VPS13C: variants seen among roughly 807,000 people sequenced by gnomAD.
VPS13C encodes vacuolar protein sorting 13 homolog C.
Under a neutral mutation model 456.8 loss-of-function variants are expected in VPS13C, and 358 were observed. That is an observed-to-expected ratio of 0.78 (90% CI 0.72 to 0.86). The LOEUF (loss-of-function observed/expected upper bound fraction) is 0.86, where lower values mean the gene tolerates loss of function less well. VPS13C is among the 40% of genes least tolerant of loss of function. VPS13C has a pLI of 0.00. For synonymous variants in VPS13C, 1,578 were observed against 1,486.7 expected (o/e 1.06, Z -1.41); for missense variants, 4,818 against 4,385.4 (o/e 1.10, Z -2.79).
chr15:61,917,287 A>C, intron 60 of VPS13C, 54 bp downstream of exon 60: 6 of 1,552,434 alleles, frequency 3.9e-6, no homozygotes, highest in Non-Finnish European at 5.2e-6. Context: ...ATAAAACAAA[A>C]TCAGAATTTA....
At chr15:61,924,604 T>G (rs1337392352) in intron 53 of VPS13C, among the ~76,000 whole-genome samples, 1 of 152,142 alleles carries the variant, frequency 6.6e-6, no homozygotes, top group Non-Finnish European at 1.5e-5. Context: ...TTCGAGGAGT[T>G]TTTCCCTCAT....
At position 61,963,913 on chromosome 15, in the gene VPS13C, T is replaced by G; in HGVS notation, c.3253A>C (p.Arg1085=). ...SSRDSDIIDF[R]LFAKLNAFCV... ...AAAGCATTCAACTTGGCAAATAGCC[T>G]GAAATCAATAATGTCACTATCTCTG... Residue 1085 remains arginine (R), a synonymous_variant, in exon 32 of 85, where the codon AGG becomes CGG. Coordinates refer to ENST00000644861, the MANE Select transcript of VPS13C (RefSeq NM_020821.3). The G allele has an allele frequency of 6.2e-7, 1 of 1,611,822 alleles. No individual in the cohort carries two copies. Among genetic ancestry groups the G allele is most frequent in the Non-Finnish European group, 8.5e-7 (1 of 1,178,436 alleles).
Position 62,008,703 on chromosome 15 carries a change from T to C in VPS13C, c.1070A>G (p.Tyr357Cys), listed in dbSNP as rs766167434. Residue 357 changes from tyrosine to cysteine, a missense_variant, in exon 14 of 85, where the codon TAT (tyrosine) becomes TGT (cysteine). Physicochemically the swap from Tyr to Cys is radical, Grantham distance 194. Around this residue, in one of 3 missense-constraint regions of VPS13C, gnomAD observed 4,552 missense variants for 4,130.6 expected, o/e 1.10. Transcript: ENST00000644861. ...TGGTAAATAAGGCTTGTATTTCCTATAAGGCGCATTCCTAACCATATAATC... is the reference window on the plus strand; with the variant it reads ...TGGTAAATAAGGCTTGTATTTCCTACAAGGCGCATTCCTAACCATATAATC... ...SVDYMVRNAP[Y>C]RKYKPYLPLH... 1.9e-6 allele frequency: 3 copies of C among 1,609,094 alleles called. No individual in the cohort carries two copies. The highest frequency in any genetic ancestry group is 3.4e-5 in the Admixed American group (2 of 59,678).
chr15:61,982,254 T>G (rs1056470099), intron 21 of VPS13C, among the ~76,000 whole-genome samples: 1 of 152,230 alleles, frequency 6.6e-6, no homozygotes, highest in Non-Finnish European at 1.5e-5. Context: ...GGAAGAATCA[T>G]CTGTGCCCCA....
chr15:61,901,576 C>T (rs2042997448), intron 66 of VPS13C, among the ~76,000 whole-genome samples: 2 of 152,154 alleles, frequency 1.3e-5, no homozygotes. Context: ...CATCTCACAC[C>T]AGTTAGAATG....
At chr15:62,048,581 T>C (rs551662169) in intron 1 of VPS13C, among the ~76,000 whole-genome samples, 2 of 152,302 alleles carry the variant, frequency 1.3e-5, no homozygotes, top group South Asian at 2.1e-4. Flanking sequence ...CATGTGTCTT[T>C]ATAGCAGCAT....
chr15:61,975,997 T>C (rs1348926970), intron 24 of VPS13C, among the ~76,000 whole-genome samples: 2 of 152,142 alleles, frequency 1.3e-5, no homozygotes, highest in Non-Finnish European at 2.9e-5. Flanking sequence ...CTGATTTATG[T>C]TTCATTCATA....
intron 1 of VPS13C, among the ~76,000 whole-genome samples, chr15:62,045,619 C>T (rs2048373137): frequency 6.6e-6 from 1 of 151,798 alleles, no homozygotes; most frequent in Admixed American, 6.6e-5. Flanking sequence ...CCAGACCCAC[C>T]AAAACAAAGA....
chr15:61,862,932 C>A (rs1894305007), intron 82 of VPS13C, among the ~76,000 whole-genome samples: 1 of 151,900 alleles, frequency 6.6e-6, no homozygotes, highest in South Asian at 2.1e-4. Flanking sequence ...TAGGATAGAT[C>A]CCAGGAAAAT....
chr15:62,016,200 C>G (rs1231281202), intron 9 of VPS13C, among the ~76,000 whole-genome samples: 1 of 151,258 alleles, frequency 6.6e-6, no homozygotes, highest in Non-Finnish European at 1.5e-5. Context: ...AGGCCCTCTC[C>G]ATATAAGTAG....
intron 3 of VPS13C, among the ~76,000 whole-genome samples, chr15:62,036,361 A>T (rs189240310): frequency 6.6e-6 from 1 of 152,042 alleles, no homozygotes. Flanking sequence ...AAAATAAAAT[A>T]ATGCAATGTA....
intron 58 of VPS13C, 115 bp from the exon 59 acceptor site, chr15:61,918,372 G>A (rs2043540986): frequency 3.0e-6 from 3 of 1,005,946 alleles, no homozygotes; most frequent in South Asian, 2.2e-5. Flanking sequence ...AGTATTGGAA[G>A]ATATTTTTAT....
chr15:62,008,030 G>A (rs969038873), intron 14 of VPS13C, among the ~76,000 whole-genome samples: 4 of 152,102 alleles, frequency 2.6e-5, no homozygotes, highest in Non-Finnish European at 5.9e-5. Context: ...CACAAGGTCA[G>A]GAGTTCAAGA....
At chr15:61,908,944 T>G in intron 65 of VPS13C, 48 bp downstream of exon 65, 1 of 1,584,924 alleles carries the variant, frequency 6.3e-7, no homozygotes, top group Non-Finnish European at 8.6e-7. Flanking sequence ...TCCCATTAGT[T>G]ACTATGAACC....
chr15:61,914,039 G>C (rs2043385199), intron 61 of VPS13C, among the ~76,000 whole-genome samples: 1 of 152,186 alleles, frequency 6.6e-6, no homozygotes, highest in Non-Finnish European at 1.5e-5. Context: ...TTTTATAGAA[G>C]AGATCAAATT....
At chr15:62,040,375 A>C (rs1018368887) in intron 3 of VPS13C, among the ~76,000 whole-genome samples, 7 of 152,192 alleles carry the variant, frequency 4.6e-5, no homozygotes, top group African/African-American at 1.7e-4. Context: ...AACACAAAGA[A>C]AGGATAAATA....
At position 61,882,758 on chromosome 15, in the gene VPS13C, T is replaced by C. The variant is rs1056164914; in HGVS notation, c.9484-22A>G. 3.2e-6 allele frequency: 5 copies of C among 1,576,990 alleles called. No homozygotes were observed. In the African/African-American group the frequency reaches 5.5e-5, roughly 17 times the overall value. On this transcript the variant is annotated intron_variant, in intron 68 of 84. Transcript: ENST00000644861. ...TGACCTAGAAAAAAAGCACATGTTT[T>C]TGTGATGAGCTGATATTAGCACAGT...
chr15:62,020,688 A>T (rs2047431173), intron 8 of VPS13C, 150 bp from the exon 9 acceptor site: 4 of 629,092 alleles, frequency 6.4e-6, no homozygotes, highest in Non-Finnish European at 1.1e-5. Flanking sequence ...GGAGGTAATA[A>T]CATGGCTGGG....
chr15:61,902,916 C>G (rs567963452), intron 66 of VPS13C, among the ~76,000 whole-genome samples: 8 of 148,062 alleles, frequency 5.4e-5, no homozygotes, highest in Admixed American at 4.7e-4. Context: ...TATCCTCGTT[C>G]ACAAACAACA....
Sources: gnomAD v4.1 joint callset for allele counts (sites outside exome capture counted in the v4.1 genomes callset) on GRCh38, gnomAD v4.1.1 for gene constraint, gnomAD v4.1.1 regional missense constraint, MANE v1.5 for transcripts, NCBI Gene and HGNC (gene_info 2026-07-23, HGNC 2026-07-21) for gene names.